Variants in KRT39 observed in about 807,000 individuals in gnomAD.
KRT39 encodes keratin, type I cytoskeletal 39.
KRT39 carries 47 observed loss-of-function variants against 54.8 expected under a neutral mutation model. The observed-to-expected ratio is 0.86, with a 90% CI of 0.68 to 1.09. KRT39 has a LOEUF of 1.09. Among genes scored for constraint, KRT39 ranks in the 50% least tolerant of loss-of-function variants. The pLI, the probability that KRT39 is intolerant of heterozygous loss-of-function variation, is 0.00. For synonymous variants in KRT39, 207 were observed against 227.9 expected (o/e 0.91, Z 0.83); for missense variants, 580 against 598.5 (o/e 0.97, Z 0.32).
intron 1 of KRT39, among the ~76,000 whole-genome samples, chr17:40,965,332 C>T (rs549379354): frequency 5.9e-5 from 9 of 152,104 alleles, no homozygotes; most frequent in South Asian, 2.1e-4. Context: ...GCAGAGATCG[C>T]GCCATTGCAC....
At chr17:40,964,813 C>T (rs1003719327) in intron 1 of KRT39, among the ~76,000 whole-genome samples, 3 of 152,124 alleles carry the variant, frequency 2.0e-5, no homozygotes, top group Admixed American at 2.0e-4. Flanking sequence ...CATGTAATAT[C>T]AGCACTTGGG....
intron 5 of KRT39, among the ~76,000 whole-genome samples, chr17:40,961,200 G>A (rs1450885545): frequency 2.0e-5 from 3 of 151,078 alleles, no homozygotes; most frequent in Non-Finnish European, 2.9e-5. Context: ...AAAAAAGGAA[G>A]GAAGCAATGT....
rs1911008895 is a variant in KRT39, at chr17:40,958,757, G to A, written c.1320C>T (p.Ser440=). The change falls in exon 7 of 7, where the codon TCC becomes TCT. Residue 440 remains serine (S), a synonymous_variant. Coordinates refer to ENST00000355612, the MANE Select transcript of KRT39 (RefSeq NM_213656.4). ...ESTAPACTSS[S]PCSLKEHCSA... The stretch of plus-strand genomic sequence containing the variant: ...TGCAGTGCTCCTTTAAGCTGCAGGG[G>A]GATGAGGATGTGCAAGCTGGGGCCG... 2 of 1,613,936 alleles carry A rather than the reference G, an allele frequency of 1.2e-6. No homozygotes were observed. Among genetic ancestry groups the A allele is most frequent in the East Asian group, 4.5e-5 (2 of 44,886 alleles).
chr17:40,961,302 CATTCTGTAAGTCTATGGATAATGATGGG>C (rs1911143631), intron 5 of KRT39, among the ~76,000 whole-genome samples: 1 of 152,136 alleles, frequency 6.6e-6, no homozygotes, highest in African/African-American at 2.4e-5. Flanking sequence ...CCTGCTCTAT[CATTCTGTAAGTCTATGGATAATGATGGG>C]ATTTTAGGTT....
intron 3 of KRT39, 99 bp downstream of exon 3, chr17:40,963,528 T>A: frequency 8.8e-7 from 1 of 1,133,330 alleles, no homozygotes; most frequent in East Asian, 2.4e-5. Flanking sequence ...GAGAACGAAC[T>A]AATACAAGCG....
At chr17:40,963,275 G>A (rs1911227683) in intron 3 of KRT39, among the ~76,000 whole-genome samples, 1 of 152,140 alleles carries the variant, frequency 6.6e-6, no homozygotes, top group South Asian at 2.1e-4. Context: ...GATCATGGGG[G>A]TGGTGTCCCC....
At chr17:40,962,127 T>G in intron 5 of KRT39, 35 bp downstream of exon 5, 1 of 1,609,746 alleles carries the variant, frequency 6.2e-7, no homozygotes, top group South Asian at 1.1e-5. Flanking sequence ...TGTTTCCATC[T>G]TTGCTGAGCT....
Position 40,958,648 on chromosome 17 carries a change from A to G in KRT39, c.1429T>C (p.Tyr477His). 1 of 1,613,880 alleles carries G rather than the reference A, an allele frequency of 6.2e-7. No individual in the cohort carries two copies. The highest frequency in any genetic ancestry group is 8.5e-7 in the Non-Finnish European group (1 of 1,179,884). Residue 477 changes from tyrosine (Y) to histidine (H), a missense_variant, in exon 7 of 7, where the codon TAC (tyrosine) becomes CAC (histidine). Tyr to His is a moderately conservative substitution (Grantham distance 83, BLOSUM62 2). Transcript: ENST00000355612. ...ATGAAACAAGGCTGCACATGCTCGT[A>G]AGAAGAAATGACCTTCCCATCCTTA... ...EIKDGKVISS[Y>H]EHVQPCFIIR...
intron 1 of KRT39, among the ~76,000 whole-genome samples, chr17:40,965,460 T>TC (rs202226651): frequency 0.017 from 2,528 of 152,268 alleles, 75 homozygotes; most frequent in African/African-American, 0.057. Context: ...GAATGTCAAC[T>TC]CCATGAGGGC....
At chr17:40,960,168 C>T in intron 6 of KRT39, 113 bp downstream of exon 6, 3 of 858,832 alleles carry the variant, frequency 3.5e-6, no homozygotes, top group African/African-American at 1.6e-5. Flanking sequence ...CCAAGCTCCC[C>T]ATCACTGGCA....
At chr17:40,960,858 G>A (rs927545765) in intron 5 of KRT39, among the ~76,000 whole-genome samples, 5 of 152,176 alleles carry the variant, frequency 3.3e-5, no homozygotes, top group East Asian at 1.9e-4. Flanking sequence ...CTGGCTGGGC[G>A]CAGTGGCTCA....
Position 40,958,516 on chromosome 17 carries a change from TG to T in KRT39, c.*84del. On this transcript the variant is annotated 3_prime_UTR_variant, in exon 7 of 7. Transcript: ENST00000355612. ...TAAGAAACTAAGTACCTTAAGGGAC[TG>T]GGGAGTTTTCTTAAACCTCTCTGGC... 1 of 1,465,176 alleles carries T rather than the reference TG, an allele frequency of 6.8e-7. No homozygotes were observed. Among genetic ancestry groups the T allele is most frequent in the Non-Finnish European group, 9.2e-7 (1 of 1,087,816 alleles). 90.8% of individuals were successfully genotyped at this position (1,465,176 alleles called of 1,614,324 possible).
At chr17:40,961,098 C>T (rs1285332578) in intron 5 of KRT39, among the ~76,000 whole-genome samples, 2 of 150,760 alleles carry the variant, frequency 1.3e-5, no homozygotes, top group Non-Finnish European at 2.9e-5. Context: ...CCACTGCTGT[C>T]CAGTCTGGGC....
intron 6 of KRT39, among the ~76,000 whole-genome samples, chr17:40,959,686 T>A (rs1255367957): frequency 6.6e-6 from 1 of 152,256 alleles, no homozygotes; most frequent in African/African-American, 2.4e-5. Context: ...TAGTTTGGAC[T>A]GAGTTGCTTC....
At chr17:40,961,127 C>A (rs1353873441) in intron 5 of KRT39, among the ~76,000 whole-genome samples, 13 of 101,036 alleles carry the variant, frequency 1.3e-4, no homozygotes, top group African/African-American at 7.5e-4. Context: ...GAGACTCCAT[C>A]TCAAAAAGAA....
rs190342364 is a variant in KRT39 at position 40,958,921 on chromosome 17, A to G, written c.1218-62T>C. 6.7e-6 allele frequency: 10 copies of G among 1,496,218 alleles called. No homozygotes were observed. In the Admixed American group the frequency reaches 2.0e-4, roughly 30 times the overall value. The allele number at this position is 1,496,218 out of a possible 1,614,324, so 92.7% of individuals were successfully genotyped here. A position where few individuals can be genotyped will look rare whatever the true frequency, so the allele number is the denominator to read the frequency against. On this transcript the variant is annotated intron_variant, in intron 6 of 6. Transcript: ENST00000355612. ...GGAAGGCGATGATGGTCATGGAGAA[A>G]AATGATTGTGGCTAATTTTTTTAAC...
intron 2 of KRT39, 176 bp downstream of exon 2, chr17:40,964,270 T>C (rs776237189): frequency 3.8e-5 from 24 of 639,800 alleles, no homozygotes; most frequent in Non-Finnish European, 5.4e-5. Flanking sequence ...AGGTACTGTA[T>C]ACATGTGAGC....
At chr17:40,963,514 G>C in intron 3 of KRT39, 113 bp downstream of exon 3, 4 of 909,170 alleles carry the variant, frequency 4.4e-6, no homozygotes, top group Non-Finnish European at 6.6e-6. Flanking sequence ...CTTTATAGCA[G>C]TGTGAGAACG....
In KRT39 at chr17:40,966,794, C is replaced by T. The variant is rs1385175546; in HGVS notation, c.63G>A (p.Arg21=). The change falls in exon 1 of 7, where the codon AGG becomes AGA. Residue 21 remains arginine, a synonymous_variant. Transcript: ENST00000355612. ...AAGAGATGGTACTAACATTTGTAAT[C>T]CTAGAGCAGTTTTGACATGGGGTTG... is the stretch of plus-strand genomic sequence containing the variant. The part of the protein sequence containing the change: ...SPSTPCQNCS[R]ITNVSTISSN... The T allele has an allele frequency of 2.5e-6, 4 of 1,614,012 alleles. No homozygotes were observed.
Sources: allele counts gnomAD v4.1 joint callset (sites outside exome capture counted in the v4.1 genomes callset), GRCh38; gene constraint gnomAD v4.1.1; transcripts MANE v1.5; gene names NCBI Gene and HGNC (gene_info 2026-07-23, HGNC 2026-07-21).